Variants in AKAP6 observed in about 807,000 individuals in gnomAD.
AKAP6 encodes A-kinase anchor protein 6.
Under a neutral mutation model 188.5 loss-of-function variants are expected in AKAP6, and 58 were observed. The observed-to-expected ratio is 0.31, with a 90% CI of 0.25 to 0.38. The LOEUF (loss-of-function observed/expected upper bound fraction) is 0.38. AKAP6 is among the 10% of genes least tolerant of loss of function. The pLI is 1.00. For synonymous variants in AKAP6, 989 were observed against 998.6 expected (o/e 0.99, Z 0.18); for missense variants, 2,710 against 2,740.0 (o/e 0.99, Z 0.24).
At chr14:32,395,661 T>C (rs529983371) in intron 1 of AKAP6, among the ~76,000 whole-genome samples, 3 of 152,232 alleles carry the variant, frequency 2.0e-5, no homozygotes, top group Non-Finnish European at 4.4e-5. Flanking sequence ...TGCCTTGTTT[T>C]CTATGTTGAT....
At chr14:32,571,366 A>C (rs1566581661) in intron 4 of AKAP6, among the ~76,000 whole-genome samples, 1 of 152,038 alleles carries the variant, frequency 6.6e-6, no homozygotes, top group Admixed American at 6.6e-5. Context: ...CTCTACAAAA[A>C]TAAAAATAAA....
chr14:32,565,902 T>C (rs541060510), intron 4 of AKAP6, among the ~76,000 whole-genome samples: 1 of 152,350 alleles, frequency 6.6e-6, no homozygotes, highest in East Asian at 1.9e-4. Flanking sequence ...TTTTTCTGAA[T>C]CACTTACACT....
chr14:32,534,177 CAGA>C (rs1336556669), intron 2 of AKAP6, among the ~76,000 whole-genome samples: 2 of 152,066 alleles, frequency 1.3e-5, no homozygotes, highest in East Asian at 3.9e-4. Flanking sequence ...TACATGAAAT[CAGA>C]AGGTTATGTT....
intron 2 of AKAP6, among the ~76,000 whole-genome samples, chr14:32,440,028 T>G (rs868221578): frequency 6.6e-6 from 1 of 152,170 alleles, no homozygotes; most frequent in African/African-American, 2.4e-5. Context: ...TGAAATCAGT[T>G]TAGTGAAATA....
intron 7 of AKAP6, among the ~76,000 whole-genome samples, chr14:32,647,851 C>G (rs1888047504): frequency 6.6e-6 from 1 of 151,980 alleles, no homozygotes; most frequent in Non-Finnish European, 1.5e-5. Context: ...AATCAGTAGC[C>G]CTCCTGAAGT....
At chr14:32,813,057 C>G (rs1441588125) in intron 12 of AKAP6, among the ~76,000 whole-genome samples, 1 of 152,134 alleles carries the variant, frequency 6.6e-6, no homozygotes, top group Non-Finnish European at 1.5e-5. Context: ...ACAAGACTGC[C>G]TTCACTTCAG....
intron 2 of AKAP6, among the ~76,000 whole-genome samples, chr14:32,518,348 T>G (rs1881633630): frequency 6.6e-6 from 1 of 152,158 alleles, no homozygotes; most frequent in Non-Finnish European, 1.5e-5. Context: ...GGGGAATGAC[T>G]TTGATGAGAG....
At chr14:32,573,542 G>A (rs920248377) in intron 4 of AKAP6, among the ~76,000 whole-genome samples, 4 of 151,966 alleles carry the variant, frequency 2.6e-5, no homozygotes, top group African/African-American at 7.3e-5. Context: ...TTGAATTCAG[G>A]CCTTAGACAT....
chr14:32,732,118 G>C (rs2031202301), intron 9 of AKAP6, among the ~76,000 whole-genome samples: 1 of 151,878 alleles, frequency 6.6e-6, no homozygotes, highest in African/African-American at 2.4e-5. Context: ...CAGCACTCTG[G>C]AACCAAATAA....
At chr14:32,585,009 C>T (rs1274644155) in intron 5 of AKAP6, among the ~76,000 whole-genome samples, 1 of 147,230 alleles carries the variant, frequency 6.8e-6, no homozygotes, top group Admixed American at 7.0e-5. Context: ...GAATAACTGT[C>T]ATAAATAGTT....
intron 11 of AKAP6, among the ~76,000 whole-genome samples, chr14:32,751,606 A>G (rs1169817361): frequency 7.0e-6 from 1 of 143,144 alleles, no homozygotes; most frequent in Non-Finnish European, 1.5e-5. Flanking sequence ...TAATTTCTCT[A>G]TATGTTTAGT....
chr14:32,718,347 A>C, intron 9 of AKAP6: 1 of 985,088 alleles, frequency 1.0e-6, no homozygotes, highest in Non-Finnish European at 1.2e-6. Context: ...AAATCTCTAA[A>C]ATTTATTTTG....
chr14:32,355,873 C>T (rs563778698), intron 1 of AKAP6, among the ~76,000 whole-genome samples: 14 of 152,030 alleles, frequency 9.2e-5, no homozygotes, highest in Non-Finnish European at 2.1e-4. Flanking sequence ...CTCCTGGACT[C>T]AAGTGATCCT....
chr14:32,831,671 A>C lies in AKAP6; in HGVS notation c.*1866A>C, dbSNP rs2034821168. 1.3e-5 allele frequency: 2 copies of C among 152,272 alleles called. No homozygotes were observed. Among genetic ancestry groups the C allele is most frequent in the Non-Finnish European group, 2.9e-5 (2 of 68,064 alleles). The allele number at this position is 152,272 out of a possible 1,614,324, so 9.4% of individuals were successfully genotyped here. A position where few individuals can be genotyped will look rare whatever the true frequency, so the allele number is the denominator to read the frequency against. On this transcript the variant is annotated 3_prime_UTR_variant, in exon 14 of 14. Coordinates refer to ENST00000280979, the MANE Select transcript of AKAP6 (RefSeq NM_004274.5). ...GCAAATGACATGAAGTATTTGTTGC[A>C]GAGCTGAGGAACAGAGCAAATGTAG...
intron 11 of AKAP6, among the ~76,000 whole-genome samples, chr14:32,744,602 C>A (rs1291490886): frequency 6.6e-6 from 1 of 152,162 alleles, no homozygotes; most frequent in Non-Finnish European, 1.5e-5. Flanking sequence ...CAGGCATGAG[C>A]CACTGCACCC....
chr14:32,445,753 T>G (rs1483629958), intron 2 of AKAP6, among the ~76,000 whole-genome samples: 1 of 152,128 alleles, frequency 6.6e-6, no homozygotes, highest in Non-Finnish European at 1.5e-5. Context: ...ATATTACTAC[T>G]CCAGCTGTTT....
chr14:32,394,512 C>T (rs768067984), intron 1 of AKAP6, among the ~76,000 whole-genome samples: 7 of 152,024 alleles, frequency 4.6e-5, no homozygotes, highest in Non-Finnish European at 8.8e-5. Context: ...GTGGGGATGC[C>T]GATGCACGTG....
intron 1 of AKAP6, among the ~76,000 whole-genome samples, chr14:32,411,322 A>T (rs2138648451): frequency 6.6e-6 from 1 of 152,258 alleles, no homozygotes; most frequent in South Asian, 2.1e-4. Context: ...ATATCTTTAG[A>T]TATTTCCTTT....
intron 9 of AKAP6, among the ~76,000 whole-genome samples, chr14:32,696,964 G>A (rs1890429310): frequency 6.6e-6 from 1 of 151,960 alleles, no homozygotes; most frequent in African/African-American, 2.4e-5. Flanking sequence ...TGAGCATATG[G>A]CATATTTCAA....
Sources: allele counts gnomAD v4.1 joint callset (sites outside exome capture counted in the v4.1 genomes callset), GRCh38; gene constraint gnomAD v4.1.1; transcripts MANE v1.5; gene names NCBI Gene and HGNC (gene_info 2026-07-23, HGNC 2026-07-21).